MAP3K5: variants seen among roughly 807,000 people sequenced by gnomAD.
MAP3K5 encodes the protein mitogen-activated protein kinase kinase kinase 5.
MAP3K5 carries 56 observed loss-of-function variants against 158.7 expected under a neutral mutation model. The observed-to-expected ratio is 0.35, with a 90% CI of 0.28 to 0.44. The LOEUF (loss-of-function observed/expected upper bound fraction) is 0.44, where lower values mean the gene tolerates loss of function less well. Among genes scored for constraint, MAP3K5 ranks in the 20% least tolerant of loss-of-function variants. The pLI, the probability that MAP3K5 is intolerant of heterozygous loss-of-function variation, is 1.00. For synonymous variants in MAP3K5, 579 were observed against 601.7 expected (o/e 0.96, Z 0.55); for missense variants, 1,294 against 1,674.8 (o/e 0.77, Z 3.97).
chr6:136,608,696 C>A (rs1170069436), intron 18 of MAP3K5, among the ~76,000 whole-genome samples: 5 of 152,142 alleles, frequency 3.3e-5, no homozygotes, highest in Non-Finnish European at 5.9e-5. Context: ...CCTCTTTGAA[C>A]CTTCATTTTC....
At chr6:136,644,585 G>C (rs1778154193) in intron 11 of MAP3K5, among the ~76,000 whole-genome samples, 1 of 152,212 alleles carries the variant, frequency 6.6e-6, no homozygotes, top group South Asian at 2.1e-4. Flanking sequence ...AAGGTGGCAG[G>C]AGTTATACTG....
At chr6:136,714,190 G>A (rs1218807850) in intron 2 of MAP3K5, among the ~76,000 whole-genome samples, 1 of 152,156 alleles carries the variant, frequency 6.6e-6, no homozygotes, top group Non-Finnish European at 1.5e-5. Context: ...GTTTTTATGG[G>A]TTTAAGAACA....
At chr6:136,632,247 A>C (rs1777402777) in intron 14 of MAP3K5, among the ~76,000 whole-genome samples, 1 of 152,178 alleles carries the variant, frequency 6.6e-6, no homozygotes, top group African/African-American at 2.4e-5. Context: ...TCAGCTGGGC[A>C]TGGTGGCTCG....
At chr6:136,628,281 T>C (rs1777139166) in intron 14 of MAP3K5, among the ~76,000 whole-genome samples, 1 of 152,122 alleles carries the variant, frequency 6.6e-6, no homozygotes, top group African/African-American at 2.4e-5. Context: ...CCAGCTAATT[T>C]TTTCTATTTT....
At chr6:136,601,752 G>T in intron 20 of MAP3K5, 50 bp downstream of exon 20, 4 of 1,550,000 alleles carry the variant, frequency 2.6e-6, no homozygotes, top group Non-Finnish European at 3.5e-6. Flanking sequence ...CATCTTAAAA[G>T]CTTAGGATTG....
At chr6:136,624,192 T>G (rs1776934572) in intron 14 of MAP3K5, among the ~76,000 whole-genome samples, 1 of 151,768 alleles carries the variant, frequency 6.6e-6, no homozygotes, top group Non-Finnish European at 1.5e-5. Context: ...AGACTCCATC[T>G]CAAAGAAAAA....
At chr6:136,627,930 T>C (rs117251885) in intron 14 of MAP3K5, among the ~76,000 whole-genome samples, 31 of 152,318 alleles carry the variant, frequency 2.0e-4, no homozygotes, top group Admixed American at 3.3e-4. Flanking sequence ...TTAATTACTC[T>C]ATCCCCAGTT....
At chr6:136,568,119 A>T (rs970409105) in intron 25 of MAP3K5, among the ~76,000 whole-genome samples, 5 of 152,226 alleles carry the variant, frequency 3.3e-5, no homozygotes, top group African/African-American at 1.2e-4. Context: ...GAATGATTTA[A>T]TTCAAGAATG....
At chr6:136,732,317 A>AG (rs1782263189) in intron 1 of MAP3K5, among the ~76,000 whole-genome samples, 1 of 152,112 alleles carries the variant, frequency 6.6e-6, no homozygotes, top group Non-Finnish European at 1.5e-5. Context: ...CCCAGCCACT[A>AG]GGGAGGCTGA....
intron 1 of MAP3K5, among the ~76,000 whole-genome samples, chr6:136,736,200 G>A (rs767033669): frequency 1.2e-4 from 19 of 152,070 alleles, no homozygotes; most frequent in Non-Finnish European, 2.6e-4. Flanking sequence ...GCGCCTGGGA[G>A]CTCCACAGTG....
chr6:136,734,419 C>CA lies in MAP3K5; in HGVS notation c.449-13831_449-13830insT, dbSNP rs1456991971. ...TAGCCAACAAAGCGAGACTCTGTCT[C>CA]GGAAAAAAAAAAAAAAAAAAAAAAA... is the stretch of plus-strand genomic sequence containing the variant. On this transcript the variant is annotated intron_variant, in intron 1 of 29. Transcript: ENST00000359015. Among the ~76,000 whole-genome samples, 21 of 52,806 alleles carry CA rather than the reference C, an allele frequency of 4.0e-4. 1 individual carries two copies. The highest frequency in any genetic ancestry group is 2.1e-3 in the Admixed American group (8 of 3,898). The allele number at this position is 52,806 out of a possible 152,430, so 34.6% of individuals were successfully genotyped here.
rs533511412 is a variant in MAP3K5 at position 136,700,367 on chromosome 6, C to G, written c.613-1685G>C. On this transcript the variant is annotated intron_variant, in intron 3 of 29. Transcript: ENST00000359015. ...CGTGCGTGACTGAAGAAGAAGGAAT[C>G]AGCTGGATCTGGTAACTGATAACAA... Among the ~76,000 whole-genome samples, 62 of 152,176 alleles carry G rather than the reference C, an allele frequency of 4.1e-4. 1 individual carries two copies. The highest frequency in any genetic ancestry group is 1.5e-3 in the African/African-American group (61 of 41,534).
chr6:136,736,409 G>C (rs1040255656), intron 1 of MAP3K5, among the ~76,000 whole-genome samples: 1 of 152,202 alleles, frequency 6.6e-6, no homozygotes, highest in Non-Finnish European at 1.5e-5. Flanking sequence ...TGACATGACA[G>C]ATGTATAAAT....
chr6:136,767,563 G>C (rs1784016500), intron 1 of MAP3K5, among the ~76,000 whole-genome samples: 1 of 152,026 alleles, frequency 6.6e-6, no homozygotes, highest in Admixed American at 6.6e-5. Context: ...GAGTCCAGCT[G>C]TCATGAAAAT....
intron 11 of MAP3K5, among the ~76,000 whole-genome samples, chr6:136,649,630 A>T (rs1232451589): frequency 6.6e-6 from 1 of 152,156 alleles, no homozygotes; most frequent in Non-Finnish European, 1.5e-5. Flanking sequence ...CTCCCAAATG[A>T]TTACTCCCAT....
At chr6:136,632,686 C>T (rs1777429613) in intron 14 of MAP3K5, among the ~76,000 whole-genome samples, 1 of 152,016 alleles carries the variant, frequency 6.6e-6, no homozygotes, top group South Asian at 2.1e-4. Flanking sequence ...AATGAAGGGG[C>T]TGCAGGAAAG....
At chr6:136,712,109 G>A (rs1781333441) in intron 2 of MAP3K5, among the ~76,000 whole-genome samples, 1 of 151,052 alleles carries the variant, frequency 6.6e-6, no homozygotes, top group African/African-American at 2.4e-5. Flanking sequence ...CCGTAAGTAG[G>A]TATCTGTCTC....
At chr6:136,750,286 C>T (rs1729873067) in intron 1 of MAP3K5, among the ~76,000 whole-genome samples, 1 of 152,202 alleles carries the variant, frequency 6.6e-6, no homozygotes. Flanking sequence ...CCATCTTGGC[C>T]AGGCTGGTCT....
At position 136,704,624 on chromosome 6, in the gene MAP3K5, C is replaced by T. The variant is rs1011722883; in HGVS notation, c.612+486G>A. ...GAAGTGGTATGATCTTGGCTCATTG[C>T]AACCTCCGCCTCCCGGGTTCAAGCG... On this transcript the variant is annotated intron_variant, in intron 3 of 29. Coordinates refer to ENST00000359015, the MANE Select transcript of MAP3K5 (RefSeq NM_005923.4). Among the ~76,000 whole-genome samples, 4 of 152,198 alleles carry T rather than the reference C, an allele frequency of 2.6e-5. No homozygotes were observed. In the East Asian group the frequency reaches 5.8e-4, roughly 22 times the overall value.
Sources: allele counts gnomAD v4.1 joint callset (sites outside exome capture counted in the v4.1 genomes callset), GRCh38; gene constraint gnomAD v4.1.1; transcripts MANE v1.5; gene names NCBI Gene and HGNC (gene_info 2026-07-23, HGNC 2026-07-21).